Variants in THSD7B observed in about 807,000 individuals in gnomAD.
THSD7B encodes thrombospondin type-1 domain-containing protein 7B.
A neutral mutation model predicts 213.6 loss-of-function variants in THSD7B; 138 were observed. That is an observed-to-expected ratio of 0.65 (90% CI 0.56 to 0.74). THSD7B has a LOEUF of 0.74. Ranked by LOEUF, THSD7B falls within the 30% of genes least tolerant of loss-of-function variation. THSD7B has a pLI of 0.00. For synonymous variants in THSD7B, 742 were observed against 687.0 expected (o/e 1.08, Z -1.25); for missense variants, 1,931 against 1,991.5 (o/e 0.97, Z 0.58).
intron 3 of THSD7B, among the ~76,000 whole-genome samples, chr2:137,093,946 G>T (rs1247790676): frequency 6.6e-6 from 1 of 151,976 alleles, no homozygotes; most frequent in East Asian, 1.9e-4. Flanking sequence ...TAATTAGACT[G>T]TTGGTGCTTG....
chr2:137,100,639 C>T (rs759537816), intron 4 of THSD7B, among the ~76,000 whole-genome samples: 5 of 152,004 alleles, frequency 3.3e-5, no homozygotes, highest in African/African-American at 7.2e-5. Flanking sequence ...TAAATGCTCA[C>T]CAAACATTGA....
intron 6 of THSD7B, among the ~76,000 whole-genome samples, chr2:137,163,413 G>C (rs924356338): frequency 6.6e-6 from 1 of 152,210 alleles, no homozygotes; most frequent in Non-Finnish European, 1.5e-5. Context: ...TGCAAGAAGA[G>C]GAAAATTTGG....
chr2:137,024,490 C>A (rs1029693066), intron 2 of THSD7B, among the ~76,000 whole-genome samples: 1 of 152,086 alleles, frequency 6.6e-6, no homozygotes, highest in African/African-American at 2.4e-5. Flanking sequence ...AATCTCCCTG[C>A]AACTGATTTC....
Position 137,405,818 on chromosome 2 carries a change from C to A in THSD7B, c.2695+11C>A, listed in dbSNP as rs1263902573. The A allele has an allele frequency of 1.3e-6, 2 of 1,598,472 alleles. No individual in the cohort carries two copies. Among genetic ancestry groups the A allele is most frequent in the Admixed American group, 1.7e-5 (1 of 57,366 alleles). ...GGCGACAGCTCACAGGTATAGTGTGCATTTTACTCTTTAGCATCAGGCAAG... is the reference window on the plus strand; with the variant it reads ...GGCGACAGCTCACAGGTATAGTGTGAATTTTACTCTTTAGCATCAGGCAAG... On this transcript the variant is annotated intron_variant, in intron 13 of 27. Coordinates refer to ENST00000409968, the MANE Select transcript of THSD7B (RefSeq NM_001316349.2).
At chr2:137,500,794 AT>A (rs1006266492) in intron 15 of THSD7B, among the ~76,000 whole-genome samples, 41 of 152,338 alleles carry the variant, frequency 2.7e-4, no homozygotes, top group African/African-American at 9.9e-4. Flanking sequence ...TTCTATGCAC[AT>A]GAAGAGCACA....
At chr2:137,587,377 G>A (rs975292556) in intron 17 of THSD7B, among the ~76,000 whole-genome samples, 5 of 152,178 alleles carry the variant, frequency 3.3e-5, no homozygotes, top group Non-Finnish European at 5.9e-5. Context: ...CGTTGCTGGC[G>A]AGGGCCTGTG....
chr2:137,459,147 G>A (rs143809754), intron 15 of THSD7B, among the ~76,000 whole-genome samples: 98 of 151,810 alleles, frequency 6.5e-4, no homozygotes, highest in African/African-American at 2.2e-3. Flanking sequence ...ACCGATGGGA[G>A]TACAGTATCT....
chr2:137,491,385 A>G (rs1429732327), intron 15 of THSD7B, among the ~76,000 whole-genome samples: 1 of 152,242 alleles, frequency 6.6e-6, no homozygotes, highest in African/African-American at 2.4e-5. Context: ...TGGTACTATT[A>G]CTATGTTTTT....
At chr2:136,781,425 C>T (rs147556364) in intron 1 of THSD7B, among the ~76,000 whole-genome samples, 5,399 of 148,904 alleles carry the variant, frequency 0.036, 309 homozygotes, top group African/African-American at 0.12. Context: ...CCACCATGCC[C>T]GGCTAATTTT....
chr2:137,491,571 G>A (rs113403118), intron 15 of THSD7B, among the ~76,000 whole-genome samples: 3,058 of 152,150 alleles, frequency 0.02, 102 homozygotes, highest in African/African-American at 0.07. Context: ...CTAGTATTCC[G>A]TCATCATGTG....
At chr2:137,046,263 T>G (rs1445774000) in intron 2 of THSD7B, among the ~76,000 whole-genome samples, 8 of 152,128 alleles carry the variant, frequency 5.3e-5, no homozygotes, top group Non-Finnish European at 1.2e-4. Flanking sequence ...GAGAGACAAG[T>G]ATTAAACAGT....
chr2:137,067,876 G>A (rs1687410467), intron 3 of THSD7B, among the ~76,000 whole-genome samples: 1 of 151,998 alleles, frequency 6.6e-6, no homozygotes, highest in Non-Finnish European at 1.5e-5. Flanking sequence ...TATCTTCACT[G>A]TGAGAACCTG....
At chr2:137,054,228 G>T (rs1687119251) in intron 2 of THSD7B, among the ~76,000 whole-genome samples, 1 of 152,236 alleles carries the variant, frequency 6.6e-6, no homozygotes, top group Non-Finnish European at 1.5e-5. Flanking sequence ...CAGACTGGAG[G>T]AAGGTAGTGG....
At chr2:137,215,052 G>T (rs569552911) in intron 7 of THSD7B, among the ~76,000 whole-genome samples, 19 of 152,252 alleles carry the variant, frequency 1.2e-4, no homozygotes, top group African/African-American at 4.6e-4. Flanking sequence ...CCCACCAACA[G>T]TGTAAAAGCA....
intron 2 of THSD7B, among the ~76,000 whole-genome samples, chr2:136,896,954 A>T (rs959283383): frequency 1.2e-4 from 14 of 120,848 alleles, no homozygotes; most frequent in Admixed American, 7.9e-4. Context: ...ATATATATAT[A>T]TATTTTTTTA....
intron 12 of THSD7B, among the ~76,000 whole-genome samples, chr2:137,310,209 A>G (rs1201251896): frequency 3.9e-5 from 6 of 152,098 alleles, no homozygotes; most frequent in South Asian, 2.1e-4. Context: ...ACTGGTGTGA[A>G]ATGTTATCTC....
intron 1 of THSD7B, among the ~76,000 whole-genome samples, chr2:136,805,254 G>T (rs760582451): frequency 7.9e-5 from 12 of 152,182 alleles, no homozygotes; most frequent in Middle Eastern, 3.4e-3. Flanking sequence ...CCCTTCAACC[G>T]ATAAAACTTC....
chr2:137,410,971 G>A (rs58818945), intron 13 of THSD7B, among the ~76,000 whole-genome samples: 5,464 of 152,230 alleles, frequency 0.036, 321 homozygotes, highest in African/African-American at 0.12. Flanking sequence ...TCAGAGATAG[G>A]ACCAAAACTA....
chr2:137,274,748 A>G (rs1311769060), intron 11 of THSD7B, among the ~76,000 whole-genome samples: 1 of 152,102 alleles, frequency 6.6e-6, no homozygotes, highest in Non-Finnish European at 1.5e-5. Flanking sequence ...AAGTTGGACT[A>G]AAATCCCTTA....
Sources: gnomAD v4.1 joint callset for allele counts (sites outside exome capture counted in the v4.1 genomes callset) on GRCh38, gnomAD v4.1.1 for gene constraint, MANE v1.5 for transcripts, NCBI Gene and HGNC (gene_info 2026-07-23, HGNC 2026-07-21) for gene names.